Variants in CACNA2D3 observed in about 807,000 individuals in gnomAD.
CACNA2D3 encodes the protein voltage-dependent calcium channel subunit alpha-2/delta-3.
Under a neutral mutation model 160.6 loss-of-function variants are expected in CACNA2D3, and 60 were observed. The observed-to-expected ratio is 0.37, with a 90% CI of 0.30 to 0.46. The LOEUF (loss-of-function observed/expected upper bound fraction) is 0.46. Ranked by LOEUF, CACNA2D3 falls within the 20% of genes least tolerant of loss-of-function variation. CACNA2D3 has a pLI of 1.00. For synonymous variants in CACNA2D3, 558 were observed against 492.9 expected, an observed-to-expected ratio of 1.13 and a Z score of -1.75; for missense variants, 1,205 against 1,365.0, an observed-to-expected ratio of 0.88 and a Z score of 1.85.
intron 14 of CACNA2D3, among the ~76,000 whole-genome samples, chr3:54,828,454 A>G (rs1703791203): frequency 6.6e-6 from 1 of 152,228 alleles, no homozygotes; most frequent in South Asian, 2.1e-4. Context: ...ATATATGTTC[A>G]TGGTCAAAGG....
intron 17 of CACNA2D3, among the ~76,000 whole-genome samples, chr3:54,863,722 TA>T (rs1274224121): frequency 0.023 from 3,121 of 135,252 alleles, 78 homozygotes; most frequent in African/African-American, 0.069. Context: ...TGTTTTTTTT[TA>T]AAAAAAAAAT....
At chr3:54,802,432 A>C (rs779892439) in intron 13 of CACNA2D3, among the ~76,000 whole-genome samples, 5 of 152,208 alleles carry the variant, frequency 3.3e-5, no homozygotes, top group Non-Finnish European at 5.9e-5. Context: ...GTTTGTAAGG[A>C]AATTTCATGC....
chr3:54,275,145 T>C (rs907728302), intron 2 of CACNA2D3, among the ~76,000 whole-genome samples: 5 of 152,226 alleles, frequency 3.3e-5, no homozygotes, highest in Admixed American at 2.6e-4. Flanking sequence ...TGAGATCGTG[T>C]ATCTTGTGCC....
chr3:54,138,671 A>C (rs181946822), intron 2 of CACNA2D3, among the ~76,000 whole-genome samples: 1 of 152,204 alleles, frequency 6.6e-6, no homozygotes, highest in African/African-American at 2.4e-5. Flanking sequence ...TGAGTGTATG[A>C]GGATATCGTT....
At chr3:54,898,216 G>A (rs1273817815) in intron 26 of CACNA2D3, among the ~76,000 whole-genome samples, 6 of 104,600 alleles carry the variant, frequency 5.7e-5, no homozygotes, top group South Asian at 2.9e-4. Context: ...TCTCTTCTCC[G>A]CCCCACCCCG....
At chr3:54,150,548 C>T (rs1174512145) in intron 2 of CACNA2D3, among the ~76,000 whole-genome samples, 1 of 152,180 alleles carries the variant, frequency 6.6e-6, no homozygotes, top group Non-Finnish European at 1.5e-5. Context: ...CTCTGGGAGC[C>T]ATTATGAGGG....
At chr3:54,138,083 C>T (rs913087251) in intron 2 of CACNA2D3, among the ~76,000 whole-genome samples, 1 of 152,158 alleles carries the variant, frequency 6.6e-6, no homozygotes, top group African/African-American at 2.4e-5. Context: ...GCTCTGATGG[C>T]ATCATTTTCC....
In CACNA2D3 at chr3:54,723,228, A is replaced by G. The variant is rs567071868; in HGVS notation, c.1168-29371A>G. Reference sequence around the variant, plus strand: ...CCTACTCAAGCCTCAGCAATGGCGGACGTCCCTCCTCCCACCAAGCTAGAG... The same window carrying G: ...CCTACTCAAGCCTCAGCAATGGCGGGCGTCCCTCCTCCCACCAAGCTAGAG... On this transcript the variant is annotated intron_variant, in intron 11 of 37. Transcript: ENST00000474759. Among the ~76,000 whole-genome samples the G allele has an allele frequency of 1.7e-4, 26 of 152,278 alleles. 1 individual carries two copies. The highest frequency in any genetic ancestry group is 6.8e-3 in the Middle Eastern group (2 of 294).
chr3:54,413,963 G>T (rs1699714173), intron 4 of CACNA2D3, among the ~76,000 whole-genome samples: 1 of 147,678 alleles, frequency 6.8e-6, no homozygotes. Context: ...CTTATAGTAT[G>T]CTAGACATTG....
At chr3:54,625,666 C>T (rs550181561) in intron 9 of CACNA2D3, among the ~76,000 whole-genome samples, 121 of 152,190 alleles carry the variant, frequency 8.0e-4, no homozygotes, top group African/African-American at 2.8e-3. Context: ...TCATGTTAGG[C>T]CCAGGTGTCA....
intron 13 of CACNA2D3, among the ~76,000 whole-genome samples, chr3:54,807,409 C>G (rs1253405327): frequency 6.6e-6 from 1 of 152,218 alleles, no homozygotes; most frequent in Non-Finnish European, 1.5e-5. Flanking sequence ...TGAGCAGACA[C>G]TTCTCAAAAG....
intron 17 of CACNA2D3, among the ~76,000 whole-genome samples, chr3:54,871,219 A>C (rs1699525165): frequency 9.6e-6 from 1 of 104,540 alleles, no homozygotes; most frequent in Admixed American, 1.2e-4. Flanking sequence ...ACACACACAC[A>C]CACACCCCCC....
intron 9 of CACNA2D3, among the ~76,000 whole-genome samples, chr3:54,625,772 G>A (rs1216416242): frequency 1.3e-5 from 2 of 152,120 alleles, no homozygotes; most frequent in Non-Finnish European, 2.9e-5. Flanking sequence ...AATGACTGGG[G>A]GCTCCTACTG....
chr3:54,947,615 A>G (rs1701647612), intron 27 of CACNA2D3, among the ~76,000 whole-genome samples: 1 of 152,162 alleles, frequency 6.6e-6, no homozygotes, highest in Admixed American at 6.5e-5. Flanking sequence ...TGATTATAGT[A>G]TGGAGATAGT....
chr3:54,669,670 G>A (rs1027348200), intron 11 of CACNA2D3, among the ~76,000 whole-genome samples: 1 of 152,060 alleles, frequency 6.6e-6, no homozygotes, highest in Non-Finnish European at 1.5e-5. Context: ...ATGAGCTGGG[G>A]CAAATACTGC....
chr3:54,506,450 TA>T (rs1397411511), intron 5 of CACNA2D3, among the ~76,000 whole-genome samples: 1 of 152,196 alleles, frequency 6.6e-6, no homozygotes, highest in Admixed American at 6.5e-5. Flanking sequence ...TTTTTAGTTC[TA>T]GATGAAACTA....
rs369820033 is a variant in CACNA2D3 at position 54,764,456 on chromosome 3, G to A, written c.1380+105G>A. On this transcript the variant is annotated intron_variant, in intron 13 of 37. Coordinates refer to ENST00000474759, the MANE Select transcript of CACNA2D3 (RefSeq NM_018398.3). Reference sequence around the variant, plus strand: ...GTATCACTCTTATTTTTTGTGTTCAGTGACACTTTTCTTGATTGTTTGTAT... The same window carrying A: ...GTATCACTCTTATTTTTTGTGTTCAATGACACTTTTCTTGATTGTTTGTAT... 1.0e-5 allele frequency: 14 copies of A among 1,383,072 alleles called. 1 individual carries two copies. Among genetic ancestry groups the A allele is most frequent in the Admixed American group, 4.3e-5 (2 of 47,032 alleles). 85.7% of individuals were successfully genotyped at this position (1,383,072 alleles called of 1,614,324 possible).
chr3:54,228,880 G>T lies in CACNA2D3; in HGVS notation c.205-91562G>T, dbSNP rs539473176. 2.0e-5 allele frequency among the ~76,000 whole-genome samples: 3 copies of T among 152,318 alleles called. No individual in the cohort carries two copies. In the East Asian group the frequency reaches 5.8e-4, roughly 29 times the overall value. ...AGTGCCCTGCCGCTCTTCTCTGCAT[G>T]AGCAGCTCACATTTGTTTTCATGGA... On this transcript the variant is annotated intron_variant, in intron 2 of 37. Coordinates refer to ENST00000474759, the MANE Select transcript of CACNA2D3 (RefSeq NM_018398.3).
chr3:55,026,999 A>ACACACACG (rs1479702203), intron 35 of CACNA2D3, among the ~76,000 whole-genome samples: 6 of 152,148 alleles, frequency 3.9e-5, no homozygotes, highest in South Asian at 2.1e-4. Flanking sequence ...ACGCACACAC[A>ACACACACG]CACACACGCA....
Sources: allele counts gnomAD v4.1 joint callset (sites outside exome capture counted in the v4.1 genomes callset), GRCh38; gene constraint gnomAD v4.1.1; transcripts MANE v1.5; gene names NCBI Gene and HGNC (gene_info 2026-07-23, HGNC 2026-07-21).